VPS37A: variants seen among roughly 807,000 people sequenced by gnomAD.
The protein encoded by VPS37A is vacuolar protein sorting-associated protein 37A.
A neutral mutation model predicts 49.8 loss-of-function variants in VPS37A; 30 were observed. The ratio of observed to expected loss-of-function variants is 0.60; its 90% CI spans 0.45 to 0.82. The LOEUF is 0.82. Ranked by LOEUF, VPS37A falls within the 40% of genes least tolerant of loss-of-function variation. The pLI is 0.00. For missense variants in VPS37A, 593 were observed against 464.4 expected, an observed-to-expected ratio of 1.28 and a Z score of -2.55; for synonymous variants, 195 against 160.6, an observed-to-expected ratio of 1.21 and a Z score of -1.62.
downstream of VPS37A, chr8:17,304,525 A>G (rs750607207): frequency 9.3e-6 from 15 of 1,612,506 alleles, no homozygotes; most frequent in Admixed American, 2.2e-4. Context: ...GAATCCTGTT[A>G]TAAAGAAAAT....
At chr8:17,286,646 G>A (rs945328502) in intron 11 of VPS37A, 3 of 450,928 alleles carry the variant, frequency 6.7e-6, no homozygotes, top group Non-Finnish European at 7.8e-6. Flanking sequence ...TGGCATGAAT[G>A]AGATTTTTTT....
chr8:17,289,581 C>T (rs1405021970), intron 11 of VPS37A, among the ~76,000 whole-genome samples: 3 of 152,074 alleles, frequency 2.0e-5, no homozygotes, highest in Admixed American at 6.5e-5. Context: ...GTACCAGTAC[C>T]GTGCTGTTTT....
the VPS37A span, among the ~76,000 whole-genome samples, chr8:17,327,645 A>T: frequency 0.33 from 50,551 of 151,320 alleles, 11,254 homozygotes; most frequent in African/African-American, 0.63. Flanking sequence ...ACCTGGTAAA[A>T]AAAAAAACTA....
intron 11 of VPS37A, among the ~76,000 whole-genome samples, chr8:17,294,498 A>G (rs1186977145): frequency 6.6e-6 from 1 of 152,162 alleles, no homozygotes; most frequent in Non-Finnish European, 1.5e-5. Flanking sequence ...AGTACGAAAA[A>G]AAATTCCTGC....
At chr8:17,293,148 C>A (rs528831018) in intron 11 of VPS37A, among the ~76,000 whole-genome samples, 5 of 151,826 alleles carry the variant, frequency 3.3e-5, no homozygotes, top group African/African-American at 1.2e-4. Context: ...TTTGTTTGTT[C>A]CTTTTTATTC....
chr8:17,275,044 A>T, intron 5 of VPS37A, 86 bp downstream of exon 5: 2 of 1,245,978 alleles, frequency 1.6e-6, no homozygotes, highest in South Asian at 2.9e-5. Context: ...TGTGTGCCAG[A>T]TAATAAGTTA....
At position 17,268,840 on chromosome 8, in the gene VPS37A, G is replaced by A; in HGVS notation, c.316-16G>A. ...TTCTGGAAGTGATTTTAAGCGTCATGTATTGTTACTTTCAGTTTACAATGC... is the reference window on the plus strand; with the variant it reads ...TTCTGGAAGTGATTTTAAGCGTCATATATTGTTACTTTCAGTTTACAATGC... On this transcript the variant is annotated splice_polypyrimidine_tract_variant and intron_variant, in intron 3 of 11. Transcript: ENST00000324849. 2 of 1,538,176 alleles carry A rather than the reference G, an allele frequency of 1.3e-6. No individual in the cohort carries two copies. The highest frequency in any genetic ancestry group is 1.8e-6 in the Non-Finnish European group (2 of 1,118,872).
intron 1 of VPS37A, among the ~76,000 whole-genome samples, chr8:17,250,363 TG>T (rs1375741908): frequency 1.3e-5 from 2 of 152,232 alleles, no homozygotes; most frequent in Non-Finnish European, 2.9e-5. Context: ...AAAAGATTTT[TG>T]TGCGAACAGA....
chr8:17,275,154 T>G (rs1348798437), intron 5 of VPS37A, among the ~76,000 whole-genome samples, 196 bp downstream of exon 5: 2 of 152,158 alleles, frequency 1.3e-5, no homozygotes, highest in African/African-American at 4.8e-5. Context: ...TCTAGTGTAG[T>G]AGAAGGGACA....
At chr8:17,311,745 C>T in the VPS37A span, 66 of 1,521,282 alleles carry the variant, frequency 4.3e-5, no homozygotes, top group East Asian at 1.4e-4. Flanking sequence ...ACAGCCAAAA[C>T]GAAACACCTG....
chr8:17,305,926 T>C, downstream of VPS37A: 1 of 1,613,566 alleles, frequency 6.2e-7, no homozygotes, highest in South Asian at 1.1e-5. Context: ...ACTGGAGAGA[T>C]TTCTTTTGGG....
chr8:17,305,526 GCTGT>G (rs1223430656), downstream of VPS37A, among the ~76,000 whole-genome samples: 45 of 152,192 alleles, frequency 3.0e-4, no homozygotes, highest in Admixed American at 1.6e-3. Flanking sequence ...AGTCTGTCAA[GCTGT>G]CTATCAGGCA....
chr8:17,268,963 A>G lies in VPS37A; in HGVS notation c.416+7A>G, dbSNP rs911055942. ...CTTCAACAGCATTTCCTTAGTAAGT[A>G]TATTTCTAGTAAATAAAAAAGTCTG... On this transcript the variant is annotated splice_region_variant and intron_variant, in intron 4 of 11. Transcript: ENST00000324849. The G allele has an allele frequency of 6.4e-7, 1 of 1,561,392 alleles. No homozygotes were observed. The highest frequency in any genetic ancestry group is 8.7e-7 in the Non-Finnish European group (1 of 1,149,238).
chr8:17,294,375 T>G (rs1563297587), intron 11 of VPS37A, among the ~76,000 whole-genome samples: 2 of 152,340 alleles, frequency 1.3e-5, no homozygotes, highest in South Asian at 4.1e-4. Flanking sequence ...CCAGTGGATC[T>G]TAGCTTGCTA....
the VPS37A span, among the ~76,000 whole-genome samples, chr8:17,324,603 C>T: frequency 1.3e-5 from 2 of 152,226 alleles, no homozygotes; most frequent in African/African-American, 4.8e-5. Flanking sequence ...CAAAAGCACA[C>T]ATACTTGATC....
At chr8:17,275,066 T>G (rs1814387221) in intron 5 of VPS37A, 108 bp downstream of exon 5, 2 of 1,024,588 alleles carry the variant, frequency 2.0e-6, no homozygotes. Flanking sequence ...ACACAAAATA[T>G]GAAAAGATGA....
At chr8:17,282,900 T>G (rs1172755855) in intron 9 of VPS37A, among the ~76,000 whole-genome samples, 1 of 152,212 alleles carries the variant, frequency 6.6e-6, no homozygotes, top group Non-Finnish European at 1.5e-5. Flanking sequence ...TCTGTTCTGT[T>G]TCATTTCTAC....
At chr8:17,328,536 T>G in the VPS37A span, among the ~76,000 whole-genome samples, 6 of 150,472 alleles carry the variant, frequency 4.0e-5, no homozygotes, top group African/African-American at 1.5e-4. Flanking sequence ...TGGCCACACG[T>G]AGGGGAATAA....
chr8:17,251,418 G>A (rs557165235), intron 1 of VPS37A, among the ~76,000 whole-genome samples: 1 of 152,208 alleles, frequency 6.6e-6, no homozygotes, highest in African/African-American at 2.4e-5. Context: ...ATATATGTAA[G>A]ACATTTGGAA....
Sources: allele counts gnomAD v4.1 joint callset (sites outside exome capture counted in the v4.1 genomes callset), GRCh38; gene constraint gnomAD v4.1.1; transcripts MANE v1.5; gene names NCBI Gene and HGNC (gene_info 2026-07-23, HGNC 2026-07-21).